Variants in PRKCE observed in about 807,000 individuals in gnomAD.
PRKCE encodes the protein protein kinase C epsilon type.
PRKCE carries 16 observed loss-of-function variants against 85.4 expected under a neutral mutation model. That is an observed-to-expected ratio of 0.19 (90% CI 0.13 to 0.28). The LOEUF (loss-of-function observed/expected upper bound fraction) is 0.28. Among genes scored for constraint, PRKCE ranks in the 10% least tolerant of loss-of-function variants. PRKCE has a pLI of 1.00. For synonymous variants in PRKCE, 388 were observed against 371.5 expected, an observed-to-expected ratio of 1.04 and a Z score of -0.51; for missense variants, 573 against 975.2, an observed-to-expected ratio of 0.59 and a Z score of 5.49.
intron 1 of PRKCE, among the ~76,000 whole-genome samples, chr2:45,790,219 C>T (rs1686929635): frequency 6.6e-6 from 1 of 152,162 alleles, no homozygotes; most frequent in Non-Finnish European, 1.5e-5. Context: ...ATGAAATGTG[C>T]AGCTGAATGA....
At chr2:45,788,139 A>T (rs60769106) in intron 1 of PRKCE, among the ~76,000 whole-genome samples, 1 of 152,128 alleles carries the variant, frequency 6.6e-6, no homozygotes, top group Non-Finnish European at 1.5e-5. Flanking sequence ...CTCCTACTGA[A>T]GTCTGTGGCT....
intron 1 of PRKCE, among the ~76,000 whole-genome samples, chr2:45,749,362 C>T (rs555964135): frequency 6.6e-6 from 1 of 152,310 alleles, no homozygotes; most frequent in African/African-American, 2.4e-5. Flanking sequence ...ATCTTCAGCT[C>T]ATACGTTATT....
chr2:45,914,342 C>T (rs1040354929), intron 2 of PRKCE, among the ~76,000 whole-genome samples: 39 of 152,296 alleles, frequency 2.6e-4, no homozygotes, highest in Admixed American at 1.0e-3. Flanking sequence ...CAGGGATGAG[C>T]AAGCTCTGTT....
intron 1 of PRKCE, among the ~76,000 whole-genome samples, chr2:45,837,070 C>T (rs1193821353): frequency 1.3e-5 from 2 of 152,158 alleles, no homozygotes; most frequent in African/African-American, 4.8e-5. Flanking sequence ...GCCAATAACC[C>T]CCAACATGTA....
At chr2:45,915,031 G>A in intron 2 of PRKCE, among the ~76,000 whole-genome samples, 1 of 152,158 alleles carries the variant, frequency 6.6e-6, no homozygotes, top group East Asian at 1.9e-4. Flanking sequence ...CCACCTTCTG[G>A]GTTCAAGCGA....
chr2:45,825,412 A>T (rs966013121), intron 1 of PRKCE, among the ~76,000 whole-genome samples: 2 of 152,236 alleles, frequency 1.3e-5, no homozygotes, highest in Non-Finnish European at 2.9e-5. Context: ...ACTGTGTTAG[A>T]GCAACAGCAG....
intron 2 of PRKCE, among the ~76,000 whole-genome samples, chr2:45,885,796 TG>T (rs1193709227): frequency 7.2e-5 from 11 of 152,254 alleles, no homozygotes; most frequent in Admixed American, 1.3e-4. Context: ...CACAAATTTG[TG>T]GGTTTTGGGT....
chr2:45,723,627 C>T (rs1166404612), intron 1 of PRKCE, among the ~76,000 whole-genome samples: 5 of 148,162 alleles, frequency 3.4e-5, no homozygotes, highest in Admixed American at 6.7e-5. Flanking sequence ...TTTTTTGAGA[C>T]GGAGTTTCAC....
chr2:46,030,734 C>T (rs184761710), intron 10 of PRKCE, among the ~76,000 whole-genome samples: 3 of 152,310 alleles, frequency 2.0e-5, no homozygotes, highest in East Asian at 1.9e-4. Context: ...AGGAATTATT[C>T]GCTTAAACGA....
At chr2:45,709,515 T>G (rs547383143) in intron 1 of PRKCE, among the ~76,000 whole-genome samples, 1 of 152,350 alleles carries the variant, frequency 6.6e-6, no homozygotes, top group South Asian at 2.1e-4. Flanking sequence ...AATGTGAATT[T>G]TGAAAGCTTT....
At chr2:45,945,803 A>T (rs978398867) in intron 2 of PRKCE, among the ~76,000 whole-genome samples, 1 of 152,238 alleles carries the variant, frequency 6.6e-6, no homozygotes, top group South Asian at 2.1e-4. Flanking sequence ...GTCTGTCTTT[A>T]TACAACCCCT....
At chr2:46,051,599 C>T (rs1410564275) in intron 10 of PRKCE, among the ~76,000 whole-genome samples, 2 of 152,200 alleles carry the variant, frequency 1.3e-5, no homozygotes, top group African/African-American at 4.8e-5. Flanking sequence ...TGCTGCATCT[C>T]AGTTGTTCAT....
Position 46,004,083 on chromosome 2 carries a change from G to C in PRKCE, c.967-459G>C, listed in dbSNP as rs1005282285. ...TGGTGATAACCACCTTGCTGGGGTA[G>C]ATACCCACGTGGATAGTTGAACATT... is the stretch of plus-strand genomic sequence containing the variant. On this transcript the variant is annotated intron_variant, in intron 7 of 14. Coordinates refer to ENST00000306156, the MANE Select transcript of PRKCE (RefSeq NM_005400.3). This position sits in a 1 kb window ranked among gnomAD's most constrained non-coding sequence, Gnocchi z 4.1. 5.3e-5 allele frequency: 12 copies of C among 226,602 alleles called. No homozygotes were observed. The highest frequency in any genetic ancestry group is 2.7e-4 in the African/African-American group (12 of 43,716). 14.0% of individuals were successfully genotyped at this position (226,602 alleles called of 1,614,324 possible).
chr2:45,750,741 T>C (rs1683491511), intron 1 of PRKCE, among the ~76,000 whole-genome samples: 2 of 152,198 alleles, frequency 1.3e-5, no homozygotes, highest in Admixed American at 6.5e-5. Context: ...GAGTAATACA[T>C]GGAAGTATAT....
intron 1 of PRKCE, among the ~76,000 whole-genome samples, chr2:45,672,342 C>A (rs796415178): frequency 6.6e-5 from 10 of 152,080 alleles, no homozygotes; most frequent in African/African-American, 2.4e-4. Flanking sequence ...ATTCGTCCAT[C>A]CATCTCTTCA....
At chr2:45,766,451 A>T (rs1004797403) in intron 1 of PRKCE, among the ~76,000 whole-genome samples, 1 of 152,190 alleles carries the variant, frequency 6.6e-6, no homozygotes, top group African/African-American at 2.4e-5. Flanking sequence ...CCCAGTCTGC[A>T]GACCTTCTAT....
Position 46,102,044 on chromosome 2 carries a change from G to A in PRKCE, c.1592+15682G>A, listed in dbSNP as rs753358060. Among the ~76,000 whole-genome samples, 5 of 82,012 alleles carry A rather than the reference G, an allele frequency of 6.1e-5. No homozygotes were observed. In the Admixed American group the frequency reaches 6.5e-4, roughly 11 times the overall value. 53.8% of individuals were successfully genotyped at this position (82,012 alleles called of 152,430 possible). On this transcript the variant is annotated intron_variant, in intron 11 of 14. Transcript: ENST00000306156. ...GTGTGAGCTAGCTACAGGTCCCGGC[G>A]GGAAAGGTGATTGTGCGTGTCTCTT... is the stretch of plus-strand genomic sequence containing the variant.
intron 1 of PRKCE, among the ~76,000 whole-genome samples, chr2:45,708,116 C>G (rs1679272555): frequency 6.6e-6 from 1 of 152,130 alleles, no homozygotes; most frequent in African/African-American, 2.4e-5. Context: ...CTCTGTCACT[C>G]CTCCCTACGC....
intron 1 of PRKCE, among the ~76,000 whole-genome samples, chr2:45,816,463 G>A (rs749517503): frequency 7.2e-5 from 11 of 152,174 alleles, no homozygotes; most frequent in Non-Finnish European, 1.3e-4. Flanking sequence ...TGGATAACTT[G>A]GCACCTCACC....
Sources: allele counts gnomAD v4.1 joint callset (sites outside exome capture counted in the v4.1 genomes callset), GRCh38; gene constraint gnomAD v4.1.1; non-coding constraint Gnocchi (gnomAD v3.1); transcripts MANE v1.5; gene names NCBI Gene and HGNC (gene_info 2026-07-23, HGNC 2026-07-21).